The following CADM2 variants were observed in gnomAD, a reference collection of about 807,000 sequenced individuals.
CADM2 encodes immunoglobulin superfamily member 4D.
Under a neutral mutation model 49.8 loss-of-function variants are expected in CADM2, and 12 were observed. The observed-to-expected ratio is 0.24, with a 90% CI of 0.15 to 0.39. CADM2 has a LOEUF of 0.39. CADM2 is among the 10% of genes least tolerant of loss of function. The pLI is 1.00. For missense variants in CADM2, 378 were observed against 492.3 expected, an observed-to-expected ratio of 0.77 and a Z score of 2.20; for synonymous variants, 214 against 175.4, an observed-to-expected ratio of 1.22 and a Z score of -1.74.
intron 1 of CADM2, among the ~76,000 whole-genome samples, chr3:85,570,562 T>C (rs2062445536): frequency 6.6e-6 from 1 of 152,182 alleles, no homozygotes; most frequent in South Asian, 2.1e-4. Flanking sequence ...ATGATTTTTT[T>C]CAGACATATG....
intron 5 of CADM2, among the ~76,000 whole-genome samples, chr3:85,890,898 A>G (rs1714342987): frequency 6.6e-6 from 1 of 152,162 alleles, no homozygotes; most frequent in South Asian, 2.1e-4. Flanking sequence ...TGAAATAACT[A>G]TGAAACTTTA....
intron 3 of CADM2, among the ~76,000 whole-genome samples, chr3:85,831,300 C>T (rs2074177121): frequency 6.6e-6 from 1 of 151,938 alleles, no homozygotes; most frequent in Non-Finnish European, 1.5e-5. Flanking sequence ...CATATTAATA[C>T]ATATGACTTT....
intron 1 of CADM2, among the ~76,000 whole-genome samples, chr3:85,078,026 T>G (rs182313812): frequency 2.4e-4 from 36 of 152,196 alleles, no homozygotes; most frequent in Admixed American, 2.2e-3. Context: ...TTTCAATGTT[T>G]AGTTTTTAAA....
intron 1 of CADM2, among the ~76,000 whole-genome samples, chr3:85,650,388 A>G (rs2065009363): frequency 6.6e-6 from 1 of 152,118 alleles, no homozygotes; most frequent in Non-Finnish European, 1.5e-5. Context: ...AAGTTTCGTG[A>G]TATCATATTA....
chr3:85,358,053 C>T (rs542268144), intron 1 of CADM2, among the ~76,000 whole-genome samples: 9 of 152,252 alleles, frequency 5.9e-5, no homozygotes, highest in African/African-American at 2.2e-4. Context: ...ATATCAACTT[C>T]AGTGCCATTG....
At chr3:85,893,284 G>T (rs573384971) in intron 5 of CADM2, among the ~76,000 whole-genome samples, 1 of 152,006 alleles carries the variant, frequency 6.6e-6, no homozygotes, top group Admixed American at 6.6e-5. Context: ...AGGAAAACTG[G>T]CTAGCCATAT....
chr3:84,974,927 T>C (rs562143918), intron 1 of CADM2, among the ~76,000 whole-genome samples: 3 of 152,048 alleles, frequency 2.0e-5, no homozygotes, highest in Admixed American at 2.0e-4. Context: ...AACATTTTTG[T>C]ACAGTTTGGG....
intron 3 of CADM2, among the ~76,000 whole-genome samples, chr3:85,856,924 T>A (rs2075339335): frequency 6.6e-6 from 1 of 152,184 alleles, no homozygotes; most frequent in Non-Finnish European, 1.5e-5. Context: ...GCAAAACATT[T>A]TCTGAAGGAT....
intron 1 of CADM2, among the ~76,000 whole-genome samples, chr3:85,183,688 C>T (rs976546557): frequency 3.9e-5 from 6 of 152,094 alleles, no homozygotes; most frequent in African/African-American, 1.4e-4. Context: ...AGCTATCCAG[C>T]ACATTATGAA....
chr3:85,108,597 G>A (rs376524974), intron 1 of CADM2, among the ~76,000 whole-genome samples: 1 of 151,966 alleles, frequency 6.6e-6, no homozygotes, highest in African/African-American at 2.4e-5. Context: ...GCTAGTGATG[G>A]TTGAACAACA....
intron 1 of CADM2, among the ~76,000 whole-genome samples, chr3:85,664,305 C>A (rs1165985225): frequency 6.6e-6 from 1 of 151,962 alleles, no homozygotes; most frequent in African/African-American, 2.4e-5. Flanking sequence ...CCAGCAACCA[C>A]AAGTTCTATA....
At chr3:85,898,353 A>G (rs1426248387) in intron 5 of CADM2, among the ~76,000 whole-genome samples, 1 of 152,130 alleles carries the variant, frequency 6.6e-6, no homozygotes, top group Non-Finnish European at 1.5e-5. Flanking sequence ...GTTTTGACAA[A>G]TGTCTGTAGT....
chr3:85,286,951 C>A (rs538880071), intron 1 of CADM2, among the ~76,000 whole-genome samples: 26 of 152,160 alleles, frequency 1.7e-4, no homozygotes, highest in African/African-American at 5.5e-4. Context: ...CACTGAGGAA[C>A]AAAACCCAAA....
intron 8 of CADM2, among the ~76,000 whole-genome samples, chr3:86,022,096 C>T (rs1413391601): frequency 6.6e-6 from 1 of 151,936 alleles, no homozygotes; most frequent in African/African-American, 2.4e-5. Flanking sequence ...ATGTTGTATA[C>T]CTTAATTATA....
chr3:85,223,058 T>G (rs1173437538), intron 1 of CADM2, among the ~76,000 whole-genome samples: 1 of 152,152 alleles, frequency 6.6e-6, no homozygotes, highest in African/African-American at 2.4e-5. Context: ...TGTCTCCGCC[T>G]CAGCCATTTT....
chr3:85,381,559 A>G (rs552722909), intron 1 of CADM2, among the ~76,000 whole-genome samples: 16 of 145,770 alleles, frequency 1.1e-4, no homozygotes, highest in Non-Finnish European at 1.9e-4. Context: ...TTAAGACTGT[A>G]GTAACAGGTT....
intron 1 of CADM2, among the ~76,000 whole-genome samples, chr3:85,494,065 C>CA (rs1044179001): frequency 3.3e-5 from 5 of 151,856 alleles, no homozygotes; most frequent in Non-Finnish European, 7.4e-5. Flanking sequence ...TTAAATGCAT[C>CA]AAAAAATCAA....
At chr3:85,530,197 G>T (rs1276337442) in intron 1 of CADM2, among the ~76,000 whole-genome samples, 2 of 151,852 alleles carry the variant, frequency 1.3e-5, no homozygotes, top group Non-Finnish European at 2.9e-5. Flanking sequence ...ACACTTGCTT[G>T]CTCTGAAATA....
At chr3:85,695,061 A>G (rs957466425) in intron 1 of CADM2, among the ~76,000 whole-genome samples, 1 of 152,060 alleles carries the variant, frequency 6.6e-6, no homozygotes, top group Non-Finnish European at 1.5e-5. Flanking sequence ...CGTGTTTTTC[A>G]TTGTTTTATT....
Sources: allele counts gnomAD v4.1 joint callset (sites outside exome capture counted in the v4.1 genomes callset), GRCh38; gene constraint gnomAD v4.1.1; transcripts MANE v1.5; gene names NCBI Gene and HGNC (gene_info 2026-07-23, HGNC 2026-07-21).